Variants in RTN1 observed in about 807,000 individuals in gnomAD.
RTN1 encodes the protein reticulon 1.
RTN1 carries 25 observed loss-of-function variants against 65.5 expected under a neutral mutation model. The observed-to-expected ratio is 0.38, with a 90% CI of 0.28 to 0.53. The LOEUF (loss-of-function observed/expected upper bound fraction) is 0.53, where lower values mean the gene tolerates loss of function less well. Ranked by LOEUF, RTN1 falls within the 20% of genes least tolerant of loss-of-function variation. The pLI is 0.79. For synonymous variants in RTN1, 471 were observed against 447.6 expected, an observed-to-expected ratio of 1.05 and a Z score of -0.66; for missense variants, 983 against 1,025.4, an observed-to-expected ratio of 0.96 and a Z score of 0.57.
At chr14:59,859,945 G>A (rs1014106976) in intron 1 of RTN1, among the ~76,000 whole-genome samples, 1 of 152,192 alleles carries the variant, frequency 6.6e-6, no homozygotes, top group Non-Finnish European at 1.5e-5. Flanking sequence ...TGCTGTTAAA[G>A]GCAGTCAGTT....
chr14:59,600,968 T>C (rs1400943635), intron 8 of RTN1, among the ~76,000 whole-genome samples: 1 of 152,128 alleles, frequency 6.6e-6, no homozygotes, highest in Non-Finnish European at 1.5e-5. Flanking sequence ...CTCTAGTCTC[T>C]CCCCTCTCCA....
intron 1 of RTN1, among the ~76,000 whole-genome samples, chr14:59,835,363 G>A (rs1006722436): frequency 7.9e-5 from 12 of 152,260 alleles, no homozygotes; most frequent in African/African-American, 2.9e-4. Context: ...TGTGGGTGAT[G>A]GGTGTGTTCA....
Position 59,719,501 on chromosome 14 carries a change from G to C in RTN1, c.1765+7418C>G, listed in dbSNP as rs532888852. ...TTCCACCAGAATGTAAGCCCCATGA[G>C]GGGTGGATTCAAGTCTGCTTTGGTA... On this transcript the variant is annotated intron_variant, in intron 3 of 8. Coordinates refer to ENST00000267484, the MANE Select transcript of RTN1 (RefSeq NM_021136.3). Among the ~76,000 whole-genome samples the C allele has an allele frequency of 9.2e-5, 14 of 152,358 alleles. No homozygotes were observed. The South Asian group carries it at 2.9e-3, about 32-fold the overall frequency.
intron 3 of RTN1, among the ~76,000 whole-genome samples, chr14:59,654,026 G>T (rs1252011088): frequency 6.6e-6 from 1 of 152,068 alleles, no homozygotes; most frequent in African/African-American, 2.4e-5. Flanking sequence ...AGTTTCAAGT[G>T]ATTCTTCCCA....
chr14:59,865,347 C>T (rs924787901), intron 1 of RTN1, among the ~76,000 whole-genome samples: 1 of 152,168 alleles, frequency 6.6e-6, no homozygotes, highest in African/African-American at 2.4e-5. Context: ...GCTCAGCACA[C>T]TCATTCAATT....
chr14:59,634,545 A>G (rs1882623406), intron 3 of RTN1, among the ~76,000 whole-genome samples: 1 of 152,202 alleles, frequency 6.6e-6, no homozygotes, highest in South Asian at 2.1e-4. Context: ...CAAGATCCCT[A>G]TGAGTTAGTG....
intron 3 of RTN1, among the ~76,000 whole-genome samples, chr14:59,648,242 G>A (rs911677743): frequency 1.3e-5 from 2 of 152,154 alleles, no homozygotes; most frequent in Non-Finnish European, 2.9e-5. Flanking sequence ...ACTGAACCAG[G>A]AAGAAATTGC....
intron 4 of RTN1, 68 bp from the exon 5 acceptor site, chr14:59,605,574 G>GT: frequency 6.5e-7 from 1 of 1,546,554 alleles, no homozygotes; most frequent in Non-Finnish European, 8.9e-7. Flanking sequence ...CCGAACCCCA[G>GT]TAACAGCTAA....
At chr14:59,742,631 C>A (rs1885136935) in intron 2 of RTN1, among the ~76,000 whole-genome samples, 1 of 152,212 alleles carries the variant, frequency 6.6e-6, no homozygotes, top group African/African-American at 2.4e-5. Context: ...ATTAGAATTT[C>A]TCTTCAGTTA....
chr14:59,814,065 A>T (rs892792099), intron 1 of RTN1, among the ~76,000 whole-genome samples: 1 of 152,210 alleles, frequency 6.6e-6, no homozygotes, highest in African/African-American at 2.4e-5. Context: ...TGTGAAGCCC[A>T]GAGTCCTGCC....
chr14:59,750,232 A>ATATTATATATTATATCTATAATATAT (rs1172395475), intron 1 of RTN1, among the ~76,000 whole-genome samples: 1 of 27,258 alleles, frequency 3.7e-5, no homozygotes, highest in African/African-American at 1.3e-4. Flanking sequence ...TATCTATAAT[A>ATATTATATATTATATCTATAATATAT]TATATATTAT....
rs1033298844 is a variant in RTN1 at position 59,795,954 on chromosome 14, A to G, written c.242-49473T>C. Among the ~76,000 whole-genome samples, 18 of 152,308 alleles carry G rather than the reference A, an allele frequency of 1.2e-4. 1 individual carries two copies. The highest frequency in any genetic ancestry group is 8.5e-4 in the Admixed American group (13 of 15,278). On this transcript the variant is annotated intron_variant, in intron 1 of 8. Transcript: ENST00000267484. ...AAATAATCTACATTATCCAAAAATTATGTATTAATCACCAACTATGTCCCA... is the reference window on the plus strand; with the variant it reads ...AAATAATCTACATTATCCAAAAATTGTGTATTAATCACCAACTATGTCCCA...
intron 1 of RTN1, among the ~76,000 whole-genome samples, chr14:59,749,625 CTATATATAGATATCTA>C (rs1566712401): frequency 0.03 from 748 of 25,072 alleles, 43 homozygotes; most frequent in African/African-American, 0.14. Flanking sequence ...ATATAGATAT[CTATATATAGATATCTA>C]TATATATTTA....
rs1016998644 is a variant in RTN1, at chr14:59,829,126, A to C, written c.241+41264T>G. 4.6e-5 allele frequency among the ~76,000 whole-genome samples: 7 copies of C among 152,206 alleles called. No individual in the cohort carries two copies. Among genetic ancestry groups the C allele is most frequent in the African/African-American group, 1.7e-4 (7 of 41,456 alleles). On this transcript the variant is annotated intron_variant, in intron 1 of 8. Coordinates refer to ENST00000267484, the MANE Select transcript of RTN1 (RefSeq NM_021136.3). This position sits in a 1 kb window ranked among gnomAD's most constrained non-coding sequence, Gnocchi z 4.3. ...TTACTTCCCATCATTTATACTTAAA[A>C]GGCAACTACACAGCAATACACCGTT...
chr14:59,808,565 G>A (rs747477758), intron 1 of RTN1, among the ~76,000 whole-genome samples: 18 of 152,180 alleles, frequency 1.2e-4, no homozygotes, highest in African/African-American at 1.7e-4. Flanking sequence ...AACAGGGCTA[G>A]GAACTCTGAA....
chr14:59,783,828 T>C (rs1447073124), intron 1 of RTN1, among the ~76,000 whole-genome samples: 1 of 150,516 alleles, frequency 6.6e-6, no homozygotes, highest in Non-Finnish European at 1.5e-5. Flanking sequence ...AAATGCACTA[T>C]AGACCTGTAT....
chr14:59,740,280 T>C (rs1885091346), intron 2 of RTN1, among the ~76,000 whole-genome samples: 1 of 152,196 alleles, frequency 6.6e-6, no homozygotes, highest in African/African-American at 2.4e-5. Context: ...GTGGCTCTTA[T>C]TCAAGTGTGT....
chr14:59,812,698 T>C (rs1886750858), intron 1 of RTN1, among the ~76,000 whole-genome samples: 1 of 152,226 alleles, frequency 6.6e-6, no homozygotes, highest in African/African-American at 2.4e-5. Flanking sequence ...AAAGTGTGCA[T>C]AAGCAAACAC....
chr14:59,841,071 T>C (rs1450249734), intron 1 of RTN1, among the ~76,000 whole-genome samples: 5 of 152,160 alleles, frequency 3.3e-5, no homozygotes, highest in East Asian at 3.8e-4. Context: ...AAAGTCTGGA[T>C]AATAATATAT....
Sources: gnomAD v4.1 joint callset for allele counts (sites outside exome capture counted in the v4.1 genomes callset) on GRCh38, gnomAD v4.1.1 for gene constraint, Gnocchi (gnomAD v3.1) non-coding constraint, MANE v1.5 for transcripts, NCBI Gene and HGNC (gene_info 2026-07-23, HGNC 2026-07-21) for gene names.